The following MMP16 variants were observed in gnomAD, a reference collection of about 807,000 sequenced individuals.
MMP16 encodes matrix metallopeptidase 16.
MMP16 carries 12 observed loss-of-function variants against 67.8 expected under a neutral mutation model. That is an observed-to-expected ratio of 0.18 (90% CI 0.11 to 0.29). The LOEUF (loss-of-function observed/expected upper bound fraction) is 0.29, where lower values mean the gene tolerates loss of function less well. Among genes scored for constraint, MMP16 ranks in the 10% least tolerant of loss-of-function variants. MMP16 has a pLI of 1.00. For missense variants in MMP16, 475 were observed against 765.7 expected (o/e 0.62, Z 4.48); for synonymous variants, 249 against 255.9 (o/e 0.97, Z 0.26).
intron 1 of MMP16, among the ~76,000 whole-genome samples, chr8:88,225,552 G>A (rs919758725): frequency 1.3e-5 from 2 of 151,658 alleles, no homozygotes; most frequent in African/African-American, 2.4e-5. Context: ...AAAAATACAA[G>A]AAAATTAATC....
chr8:88,197,115 G>A, intron 2 of MMP16, 43 bp downstream of exon 2: 1 of 1,590,998 alleles, frequency 6.3e-7, no homozygotes, highest in South Asian at 1.2e-5. Flanking sequence ...ACTTAGTTTG[G>A]CTCAAGGACC....
chr8:88,032,338 T>A lies in MMP16; in HGVS notation c.*9123A>T, dbSNP rs1807996939. On this transcript the variant is annotated 3_prime_UTR_variant, in exon 10 of 10. Coordinates refer to ENST00000286614, the MANE Select transcript of MMP16 (RefSeq NM_005941.5). ...AGGGTTATAGCATTGTAAACATAAG[T>A]ACTTTGTGGAAAAGTTCAGTCATGT... is the stretch of plus-strand genomic sequence containing the variant. 1 of 152,154 alleles carries A rather than the reference T, an allele frequency of 6.6e-6. No homozygotes were observed. Among genetic ancestry groups the A allele is most frequent in the East Asian group, 1.9e-4 (1 of 5,190 alleles). The allele number at this position is 152,154 out of a possible 1,614,324, so 9.4% of individuals were successfully genotyped here. A position where few individuals can be genotyped will look rare whatever the true frequency, so the allele number is the denominator to read the frequency against.
chr8:88,264,969 C>T (rs1810451717), intron 1 of MMP16, among the ~76,000 whole-genome samples: 1 of 152,180 alleles, frequency 6.6e-6, no homozygotes, highest in African/African-American at 2.4e-5. Context: ...TTGCATTGGC[C>T]TACCAATTCC....
intron 3 of MMP16, among the ~76,000 whole-genome samples, chr8:88,182,706 A>G (rs1034537434): frequency 1.3e-5 from 2 of 152,170 alleles, no homozygotes. Flanking sequence ...ACACTCCTTG[A>G]TATTTATCCA....
At position 88,112,668 on chromosome 8, in the gene MMP16, T is replaced by G. The variant is rs73694245; in HGVS notation, c.1083+3839A>C. Among the ~76,000 whole-genome samples, 4 of 125,198 alleles carry G rather than the reference T, an allele frequency of 3.2e-5. No homozygotes were observed. In the Admixed American group the frequency reaches 3.5e-4, roughly 11 times the overall value. The allele number at this position is 125,198 out of a possible 152,430, so 82.1% of individuals were successfully genotyped here. A position where few individuals can be genotyped will look rare whatever the true frequency, so the allele number is the denominator to read the frequency against. ...TTTTTCATGCATAAGGACAGAAGGG[T>G]GTGTGTGTGTGTGTGTCTGTGTGTA... On this transcript the variant is annotated intron_variant, in intron 6 of 9. Coordinates refer to ENST00000286614, the MANE Select transcript of MMP16 (RefSeq NM_005941.5).
At chr8:88,313,448 A>G (rs1449069024) in intron 1 of MMP16, among the ~76,000 whole-genome samples, 1 of 152,066 alleles carries the variant, frequency 6.6e-6, no homozygotes, top group Non-Finnish European at 1.5e-5. Flanking sequence ...GCTCCTCTAT[A>G]TGAAAGGTGT....
intron 1 of MMP16, among the ~76,000 whole-genome samples, chr8:88,219,801 T>C (rs781704747): frequency 2.6e-5 from 4 of 152,166 alleles, no homozygotes; most frequent in African/African-American, 4.8e-5. Flanking sequence ...GCATCCTTAA[T>C]GCCATTTTCG....
chr8:88,114,322 CTTT>C (rs1263119203), intron 6 of MMP16, among the ~76,000 whole-genome samples: 1 of 151,786 alleles, frequency 6.6e-6, no homozygotes, highest in African/African-American at 2.4e-5. Flanking sequence ...CCACCCACTT[CTTT>C]AACATGCCTA....
intron 7 of MMP16, among the ~76,000 whole-genome samples, chr8:88,067,151 C>G (rs1808473824): frequency 2.6e-5 from 4 of 151,988 alleles, no homozygotes; most frequent in Admixed American, 2.6e-4. Context: ...AATGTTCTTT[C>G]TACTATTGTC....
intron 9 of MMP16, among the ~76,000 whole-genome samples, chr8:88,044,863 A>AT (rs1257716230): frequency 2.6e-5 from 4 of 152,098 alleles, no homozygotes; most frequent in South Asian, 2.1e-4. Context: ...CATCTTTCAC[A>AT]TTTTTTCATT....
intron 1 of MMP16, among the ~76,000 whole-genome samples, chr8:88,246,970 A>T (rs962416136): frequency 3.3e-5 from 5 of 152,164 alleles, no homozygotes; most frequent in Admixed American, 3.3e-4. Flanking sequence ...GTGACGGTAA[A>T]TGGAATGGAC....
At chr8:88,174,905 C>CACCACGCCCAGCTA (rs1357625647) in intron 3 of MMP16, among the ~76,000 whole-genome samples, 14 of 152,078 alleles carry the variant, frequency 9.2e-5, no homozygotes, top group Non-Finnish European at 1.6e-4. Context: ...ACGCACGCGC[C>CACCACGCCCAGCTA]ACCACGCCCA....
intron 1 of MMP16, among the ~76,000 whole-genome samples, chr8:88,300,416 C>T (rs532360538): frequency 3.3e-5 from 5 of 152,176 alleles, no homozygotes; most frequent in South Asian, 4.1e-4. Flanking sequence ...TGAAATCTCA[C>T]GCCATCCCAC....
At chr8:88,194,586 GA>G (rs905197885) in intron 2 of MMP16, among the ~76,000 whole-genome samples, 1 of 151,796 alleles carries the variant, frequency 6.6e-6, no homozygotes, top group Non-Finnish European at 1.5e-5. Flanking sequence ...TGCGACAGCA[GA>G]AAAAAATAGG....
At chr8:88,323,839 G>C (rs1340982186) in intron 1 of MMP16, among the ~76,000 whole-genome samples, 1 of 151,074 alleles carries the variant, frequency 6.6e-6, no homozygotes, top group Non-Finnish European at 1.5e-5. Flanking sequence ...AGCTATTTTA[G>C]GAACAAAATG....
In MMP16 at chr8:88,050,992, C is replaced by T. The variant is rs527295649; in HGVS notation, c.1374-4208G>A. On this transcript the variant is annotated intron_variant, in intron 8 of 9. Transcript: ENST00000286614. ...AATTTGTCAACATAAATGCATTTTT[C>T]CCTCTCCTAGCAGATAATGCAAAAC... 1.8e-3 allele frequency among the ~76,000 whole-genome samples: 273 copies of T among 152,228 alleles called. 1 individual carries two copies. Among genetic ancestry groups the T allele is most frequent in the African/African-American group, 6.2e-3 (259 of 41,548 alleles).
intron 1 of MMP16, among the ~76,000 whole-genome samples, chr8:88,255,953 T>C (rs5016164): frequency 0.087 from 13,172 of 152,148 alleles, 1,130 homozygotes; most frequent in African/African-American, 0.22. Context: ...TACTGTTATC[T>C]TTTCATTTAT....
At chr8:88,248,284 T>C (rs1371527065) in intron 1 of MMP16, among the ~76,000 whole-genome samples, 2 of 152,050 alleles carry the variant, frequency 1.3e-5, no homozygotes, top group African/African-American at 2.4e-5. Context: ...TTTGGGTATA[T>C]AAGCATGCAC....
intron 2 of MMP16, among the ~76,000 whole-genome samples, chr8:88,194,426 G>A (rs1809219599): frequency 6.6e-6 from 1 of 152,006 alleles, no homozygotes; most frequent in Non-Finnish European, 1.5e-5. Context: ...ATATAACAGA[G>A]TGTGATTTCA....
Sources: allele counts gnomAD v4.1 joint callset (sites outside exome capture counted in the v4.1 genomes callset), GRCh38; gene constraint gnomAD v4.1.1; transcripts MANE v1.5; gene names NCBI Gene and HGNC (gene_info 2026-07-23, HGNC 2026-07-21).